Variants in VPS13C observed in about 807,000 individuals in gnomAD.
The protein encoded by VPS13C is intermembrane lipid transfer protein VPS13C.
In VPS13C, 358 loss-of-function variants were observed where a neutral mutation model predicts 456.8. That is an observed-to-expected ratio of 0.78 (90% CI 0.72 to 0.86). The LOEUF is 0.86. Among genes scored for constraint, VPS13C ranks in the 40% least tolerant of loss-of-function variants. The probability of loss-of-function intolerance (pLI) is 0.00; values close to 1 mark genes in which losing one functional copy is unlikely to be tolerated. For missense variants in VPS13C, 4,818 were observed against 4,385.4 expected (o/e 1.10, Z -2.79); for synonymous variants, 1,578 against 1,486.7 (o/e 1.06, Z -1.41).
At chr15:61,963,753 T>C in intron 32 of VPS13C, 82 bp downstream of exon 32, 2 of 982,020 alleles carry the variant, frequency 2.0e-6, no homozygotes, top group East Asian at 2.4e-5. Context: ...CCTTTATTTG[T>C]ACATTCTTTA....
chr15:62,041,389 A>G (rs2048236242), intron 2 of VPS13C, 23 bp from the exon 3 acceptor site: 1 of 1,593,252 alleles, frequency 6.3e-7, no homozygotes, highest in Non-Finnish European at 8.5e-7. Flanking sequence ...GAGAAAATGT[A>G]AAGGACATCT....
chr15:61,963,944 T>C lies in VPS13C; in HGVS notation c.3222A>G (p.Val1074=). ...QKNSTLPKAI[V]SSRDSDIIDF... is the part of the protein sequence containing the mutation. The stretch of plus-strand genomic sequence containing the variant: ...CAATAATGTCACTATCTCTGGAGGA[T>C]ACAATCGCTAAAAATAAAACAAAGC... Residue 1074 remains valine, a synonymous_variant, in exon 32 of 85, where the codon GTA becomes GTG. Transcript: ENST00000644861. 1.3e-6 allele frequency: 2 copies of C among 1,591,824 alleles called. No homozygotes were observed. Among genetic ancestry groups the C allele is most frequent in the Non-Finnish European group, 1.7e-6 (2 of 1,162,322 alleles).
intron 47 of VPS13C, among the ~76,000 whole-genome samples, chr15:61,939,717 G>A (rs1454394102): frequency 6.6e-6 from 1 of 150,892 alleles, no homozygotes; most frequent in Non-Finnish European, 1.5e-5. Context: ...GCTGTGGCCG[G>A]AGCACGGTGG....
chr15:62,047,577 G>A (rs1366660193), intron 1 of VPS13C, among the ~76,000 whole-genome samples: 1 of 152,142 alleles, frequency 6.6e-6, no homozygotes, highest in Non-Finnish European at 1.5e-5. Flanking sequence ...CAAGTTATTT[G>A]CACTGAAGGA....
In VPS13C at chr15:61,858,765, G is replaced by A. The variant is rs1894066576; in HGVS notation, c.10953-2356C>T. On this transcript the variant is annotated intron_variant, in intron 82 of 84. Coordinates refer to ENST00000644861, the MANE Select transcript of VPS13C (RefSeq NM_020821.3). This position sits in a 1 kb window ranked among gnomAD's most constrained non-coding sequence, Gnocchi z 4.4. ...AATAAGGGTAGCTTCTAGGAGCTAA[G>A]AGCAGCTCGCTGGCTGACAGAGGTC... is the stretch of plus-strand genomic sequence containing the variant. Among the ~76,000 whole-genome samples the A allele has an allele frequency of 1.3e-5, 2 of 152,222 alleles. No homozygotes were observed. Among genetic ancestry groups the A allele is most frequent in the African/African-American group, 4.8e-5 (2 of 41,460 alleles).
chr15:61,951,163 T>A, intron 39 of VPS13C, 139 bp from the exon 40 acceptor site: 3 of 529,636 alleles, frequency 5.7e-6, no homozygotes, highest in Non-Finnish European at 9.9e-6. Flanking sequence ...ATGTTCTGTA[T>A]AAATCTTACC....
chr15:61,930,994 T>A, intron 50 of VPS13C, 96 bp downstream of exon 50: 1 of 1,410,452 alleles, frequency 7.1e-7, no homozygotes, highest in Non-Finnish European at 9.9e-7. Flanking sequence ...AAGACAGAGA[T>A]CTTTTTTGGA....
chr15:61,947,404 T>C (rs2044643368), intron 42 of VPS13C, 95 bp from the exon 43 acceptor site: 1 of 865,092 alleles, frequency 1.2e-6, no homozygotes, highest in Non-Finnish European at 1.8e-6. Context: ...GTACCCAATG[T>C]ACTCTGAGGA....
chr15:62,011,735 T>C (rs1159330472), intron 12 of VPS13C, among the ~76,000 whole-genome samples: 1 of 151,938 alleles, frequency 6.6e-6, no homozygotes, highest in African/African-American at 2.4e-5. Context: ...AACACTGCAA[T>C]AGTAACATAA....
chr15:61,941,676 A>G, intron 46 of VPS13C, 87 bp downstream of exon 46: 1 of 1,397,848 alleles, frequency 7.2e-7, no homozygotes, highest in Non-Finnish European at 9.6e-7. Flanking sequence ...GAAAACCACA[A>G]ATTACTACAA....
chr15:61,984,847 A>G lies in VPS13C; in HGVS notation c.1721+10T>C. On this transcript the variant is annotated intron_variant, in intron 19 of 84. Coordinates refer to ENST00000644861, the MANE Select transcript of VPS13C (RefSeq NM_020821.3). ...AAAGTAAAAATTGAAATAAGTTTTT[A>G]AAAACTTACTTAAGTGCTTGTGCTC... is the stretch of plus-strand genomic sequence containing the variant. 6.2e-7 allele frequency: 1 copy of G among 1,611,328 alleles called. No individual in the cohort carries two copies. The highest frequency in any genetic ancestry group is 8.5e-7 in the Non-Finnish European group (1 of 1,178,844).
intron 82 of VPS13C, among the ~76,000 whole-genome samples, chr15:61,860,307 A>C (rs1894149393): frequency 6.6e-6 from 1 of 152,222 alleles, no homozygotes; most frequent in African/African-American, 2.4e-5. Context: ...GCTAGCAAAA[A>C]ATAAAAGTTT....
At chr15:62,031,153 T>C (rs2047805384) in intron 5 of VPS13C, among the ~76,000 whole-genome samples, 1 of 152,120 alleles carries the variant, frequency 6.6e-6, no homozygotes, top group Non-Finnish European at 1.5e-5. Context: ...TTTTATTTTA[T>C]TCCTATACGA....
intron 61 of VPS13C, among the ~76,000 whole-genome samples, chr15:61,914,086 T>C (rs2043386638): frequency 6.6e-6 from 1 of 152,168 alleles, no homozygotes; most frequent in Non-Finnish European, 1.5e-5. Flanking sequence ...CCCACCCAAT[T>C]AGTTTGTAAA....
chr15:61,954,525 T>A lies in VPS13C; in HGVS notation c.4195A>T (p.Ile1399Leu), dbSNP rs370820916. Residue 1399 changes from isoleucine to leucine, a missense_variant, in exon 38 of 85, where the codon ATA (isoleucine) becomes TTA (leucine). By Grantham distance (5) the Ile-to-Leu change is conservative. Coordinates refer to ENST00000644861, the MANE Select transcript of VPS13C (RefSeq NM_020821.3). Reference protein sequence around the residue: ...GEIKEPLEISISQDVHDSKNT... With the variant: ...GEIKEPLEISLSQDVHDSKNT... The stretch of plus-strand genomic sequence containing the variant: ...TTTGAATCATGTACATCTTGTGATA[T>A]AGAGATTTCAAGGGGCTCTTTAATT... The A allele has an allele frequency of 6.3e-7, 1 of 1,593,812 alleles. No individual in the cohort carries two copies.
At chr15:61,881,460 A>T in intron 71 of VPS13C, 103 bp downstream of exon 71, 1 of 1,213,744 alleles carries the variant, frequency 8.2e-7, no homozygotes. Context: ...CAGCTGGAAA[A>T]TACTTTTTAC....
chr15:61,871,181 A>G (rs1365925820), intron 79 of VPS13C, among the ~76,000 whole-genome samples: 1 of 152,164 alleles, frequency 6.6e-6, no homozygotes, highest in Non-Finnish European at 1.5e-5. Context: ...GCCTAATCCA[A>G]AGTCATGAAG....
At position 61,974,336 on chromosome 15, in the gene VPS13C, G is replaced by A; in HGVS notation, c.2490C>T (p.Asn830=). 6.2e-7 allele frequency: 1 copy of A among 1,612,588 alleles called. No homozygotes were observed. Among genetic ancestry groups the A allele is most frequent in the Non-Finnish European group, 8.5e-7 (1 of 1,179,006 alleles). The change falls in exon 25 of 85, where the codon AAC becomes AAT. Residue 830 remains asparagine (N), a synonymous_variant. Transcript: ENST00000644861. The part of the protein sequence containing the change: ...QKMKDVLYLM[N]SIPLPQKSSA... ...ATGATTTCTGTGGCAAAGGTATACT[G>A]TTCATCAAATATAGCACATCTTTCA...
chr15:62,023,651 T>C, intron 7 of VPS13C, 129 bp downstream of exon 7: 2 of 1,108,356 alleles, frequency 1.8e-6, no homozygotes, highest in Admixed American at 2.6e-5. Flanking sequence ...TATATTTTAA[T>C]ATGCATTTCC....
Sources: gnomAD v4.1 joint callset for allele counts (sites outside exome capture counted in the v4.1 genomes callset) on GRCh38, gnomAD v4.1.1 for gene constraint, Gnocchi (gnomAD v3.1) non-coding constraint, MANE v1.5 for transcripts, NCBI Gene and HGNC (gene_info 2026-07-23, HGNC 2026-07-21) for gene names.